The following SLC9A9 variants were observed in gnomAD, a reference collection of about 807,000 sequenced individuals.
SLC9A9 encodes the protein solute carrier family 9 member A9, also known as sodium/hydrogen exchanger 9.
SLC9A9 carries 62 observed loss-of-function variants against 77.8 expected under a neutral mutation model. That is an observed-to-expected ratio of 0.80 (90% confidence interval 0.65 to 0.98). The LOEUF (loss-of-function observed/expected upper bound fraction) is 0.98. Among genes scored for constraint, SLC9A9 ranks in the 50% least tolerant of loss-of-function variants. The pLI is 0.00. For synonymous variants in SLC9A9, 320 were observed against 283.5 expected (o/e 1.13, Z -1.29); for missense variants, 775 against 774.9 (o/e 1.00, Z 0.00).
chr3:143,384,354 G>A (rs2033372493), intron 12 of SLC9A9, among the ~76,000 whole-genome samples: 1 of 152,112 alleles, frequency 6.6e-6, no homozygotes, highest in Admixed American at 6.5e-5. Flanking sequence ...TTCCCTAGAG[G>A]CTTCATTGCT....
intron 14 of SLC9A9, among the ~76,000 whole-genome samples, chr3:143,325,289 A>G (rs1423064415): frequency 6.6e-6 from 1 of 152,202 alleles, no homozygotes; most frequent in Non-Finnish European, 1.5e-5. Flanking sequence ...CACCCAACAC[A>G]GTCCTTAAGC....
intron 13 of SLC9A9, among the ~76,000 whole-genome samples, chr3:143,378,890 C>T (rs1441983086): frequency 6.6e-6 from 1 of 152,170 alleles, no homozygotes; most frequent in Non-Finnish European, 1.5e-5. Flanking sequence ...ACACCATTCA[C>T]ATTCTAAAGG....
At chr3:143,837,064 A>C (rs951925591) in intron 1 of SLC9A9, among the ~76,000 whole-genome samples, 2 of 152,214 alleles carry the variant, frequency 1.3e-5, no homozygotes, top group African/African-American at 4.8e-5. Flanking sequence ...GAAATAAAAA[A>C]TAGGGACTTA....
At chr3:143,564,682 T>C (rs575789674) in intron 8 of SLC9A9, among the ~76,000 whole-genome samples, 3 of 152,264 alleles carry the variant, frequency 2.0e-5, no homozygotes, top group Middle Eastern at 3.4e-3. Context: ...TTCACCATAT[T>C]TGGCAACTCC....
At chr3:143,783,188 T>C (rs1463736729) in intron 4 of SLC9A9, among the ~76,000 whole-genome samples, 3 of 152,118 alleles carry the variant, frequency 2.0e-5, no homozygotes, top group African/African-American at 4.8e-5. Context: ...ACAGAGGATA[T>C]GTGCTTTTGA....
intron 9 of SLC9A9, chr3:143,503,890 G>C: frequency 2.7e-6 from 1 of 366,554 alleles, no homozygotes; most frequent in South Asian, 2.2e-5. Context: ...TGAACATGGG[G>C]GCATCAGAGG....
intron 8 of SLC9A9, among the ~76,000 whole-genome samples, chr3:143,553,312 G>A (rs1269547902): frequency 6.6e-6 from 1 of 152,140 alleles, no homozygotes; most frequent in Non-Finnish European, 1.5e-5. Flanking sequence ...GGCTGGAGTG[G>A]GGAAGCAGTG....
At chr3:143,591,704 A>T (rs1445185749) in intron 6 of SLC9A9, among the ~76,000 whole-genome samples, 1 of 151,864 alleles carries the variant, frequency 6.6e-6, no homozygotes, top group Non-Finnish European at 1.5e-5. Context: ...TTCATCTGTC[A>T]AGGCCATAGC....
intron 5 of SLC9A9, among the ~76,000 whole-genome samples, chr3:143,662,675 C>T (rs928509782): frequency 1.3e-5 from 2 of 151,182 alleles, no homozygotes; most frequent in African/African-American, 4.9e-5. Flanking sequence ...TCGGTGGGTC[C>T]TACGCCCACG....
chr3:143,361,564 C>A (rs866591253), intron 14 of SLC9A9, among the ~76,000 whole-genome samples: 5 of 152,308 alleles, frequency 3.3e-5, no homozygotes, highest in South Asian at 4.1e-4. Context: ...GGTATAAATT[C>A]AGAGCATAGC....
intron 14 of SLC9A9, among the ~76,000 whole-genome samples, chr3:143,318,039 T>G (rs183923690): frequency 6.6e-6 from 1 of 152,322 alleles, no homozygotes; most frequent in East Asian, 1.9e-4. Flanking sequence ...ATTTTCTTCC[T>G]TCTCTCCCCA....
chr3:143,811,701 A>G (rs1419898691), intron 2 of SLC9A9: 1 of 455,078 alleles, frequency 2.2e-6, no homozygotes, highest in Non-Finnish European at 4.4e-6. Context: ...CAAAAACAAA[A>G]AAACAAAAAA....
intron 2 of SLC9A9, 67 bp from the exon 3 acceptor site, chr3:143,796,970 A>C (rs1346408988): frequency 1.5e-6 from 2 of 1,291,074 alleles, no homozygotes; most frequent in East Asian, 4.7e-5. Context: ...AACATGTTTC[A>C]AAAAACAGTT....
At chr3:143,588,123 A>C (rs1165254213) in intron 6 of SLC9A9, among the ~76,000 whole-genome samples, 3 of 152,192 alleles carry the variant, frequency 2.0e-5, no homozygotes, top group Non-Finnish European at 4.4e-5. Context: ...AAGGGTAGTG[A>C]ATTCTCTGTA....
intron 8 of SLC9A9, among the ~76,000 whole-genome samples, chr3:143,568,232 A>G (rs1026541694): frequency 3.9e-5 from 6 of 152,146 alleles, no homozygotes; most frequent in Non-Finnish European, 7.4e-5. Context: ...TCTCCCTCCT[A>G]AAGTTTTACA....
intron 4 of SLC9A9, among the ~76,000 whole-genome samples, chr3:143,707,217 A>T (rs1208519293): frequency 6.6e-6 from 1 of 152,252 alleles, no homozygotes; most frequent in East Asian, 1.9e-4. Context: ...CAGGACACTT[A>T]TCTGTCATTG....
intron 2 of SLC9A9, among the ~76,000 whole-genome samples, chr3:143,819,530 G>A (rs1388160450): frequency 6.6e-6 from 1 of 152,152 alleles, no homozygotes; most frequent in Admixed American, 6.5e-5. Context: ...CCAGAACTTT[G>A]GTTCCTCCTC....
At chr3:143,779,307 C>T (rs772710752) in intron 4 of SLC9A9, among the ~76,000 whole-genome samples, 6 of 152,140 alleles carry the variant, frequency 3.9e-5, no homozygotes, top group Non-Finnish European at 5.9e-5. Context: ...TTCCATTTGA[C>T]AAACATTAAC....
chr3:143,463,351 C>A (rs1401903932), intron 12 of SLC9A9, among the ~76,000 whole-genome samples: 3 of 152,196 alleles, frequency 2.0e-5, no homozygotes, highest in Non-Finnish European at 4.4e-5. Context: ...CTACCCTAAG[C>A]CAAGAATGGG....
Sources: gnomAD v4.1 joint callset for allele counts (sites outside exome capture counted in the v4.1 genomes callset) on GRCh38, gnomAD v4.1.1 for gene constraint, MANE v1.5 for transcripts, NCBI Gene and HGNC (gene_info 2026-07-23, HGNC 2026-07-21) for gene names.